The following MERTK variants were observed in gnomAD, a reference collection of about 807,000 sequenced individuals.
MERTK encodes the protein MER proto-oncogene, tyrosine kinase, also known as tyrosine-protein kinase Mer.
In MERTK, 69 loss-of-function variants were observed where a neutral mutation model predicts 99.3. The observed-to-expected ratio is 0.70, with a 90% CI of 0.57 to 0.85. MERTK has a LOEUF of 0.85. MERTK is among the 40% of genes least tolerant of loss of function. The pLI is 0.00. For synonymous variants in MERTK, 426 were observed against 467.6 expected (o/e 0.91, Z 1.15); for missense variants, 1,125 against 1,249.4 (o/e 0.90, Z 1.50).
chr2:112,012,239 C>G (rs1224358246), intron 15 of MERTK, among the ~76,000 whole-genome samples: 1 of 148,196 alleles, frequency 6.7e-6, no homozygotes, highest in Non-Finnish European at 1.5e-5. Flanking sequence ...CCCCCGCCCC[C>G]CACATCAGTC....
intron 1 of MERTK, chr2:111,913,024 C>A (rs1195715001): frequency 1.0e-6 from 1 of 985,076 alleles, no homozygotes; most frequent in Non-Finnish European, 1.2e-6. Flanking sequence ...TTAGAGAAGA[C>A]TGTCTAGGTA....
intron 4 of MERTK, among the ~76,000 whole-genome samples, chr2:111,960,480 C>CAAAAAAAAAAAAAAAAAAAAA (rs61179378): frequency 1.3e-5 from 1 of 75,948 alleles, no homozygotes; most frequent in Admixed American, 1.5e-4. Flanking sequence ...GTCTCAGTCT[C>CAAAAAAAAAAAAAAAAAAAAA]AAAAAAAAAA....
intron 8 of MERTK, 53 bp from the exon 9 acceptor site, chr2:111,994,198 C>A: frequency 6.2e-7 from 1 of 1,603,824 alleles, no homozygotes; most frequent in Non-Finnish European, 8.5e-7. Flanking sequence ...GATGCACCTG[C>A]AGTTTGCCCA....
chr2:111,917,732 A>G (rs1470982536), intron 1 of MERTK, among the ~76,000 whole-genome samples: 1 of 152,086 alleles, frequency 6.6e-6, no homozygotes, highest in East Asian at 1.9e-4. Context: ...TAAAAATACA[A>G]AAATTAGCTG....
chr2:111,998,803 T>C (rs1676804878), intron 10 of MERTK, among the ~76,000 whole-genome samples: 1 of 152,160 alleles, frequency 6.6e-6, no homozygotes, highest in Middle Eastern at 3.2e-3. Flanking sequence ...TATTTAGAAA[T>C]AAAACTATTT....
intron 4 of MERTK, among the ~76,000 whole-genome samples, chr2:111,951,413 TTTTTC>T (rs1419568805): frequency 7.3e-5 from 11 of 151,334 alleles, no homozygotes; most frequent in African/African-American, 2.7e-4. Flanking sequence ...CATGCAGTAG[TTTTTC>T]TTTTCTTTGT....
At chr2:111,966,318 T>C (rs1685357562) in intron 5 of MERTK, among the ~76,000 whole-genome samples, 3 of 152,128 alleles carry the variant, frequency 2.0e-5, no homozygotes, top group African/African-American at 4.8e-5. Context: ...GCAAATCAAC[T>C]GGACAAACGC....
intron 4 of MERTK, among the ~76,000 whole-genome samples, chr2:111,949,358 A>G (rs955201194): frequency 2.0e-5 from 3 of 152,110 alleles, no homozygotes; most frequent in African/African-American, 7.2e-5. Flanking sequence ...TACTCAGTAA[A>G]TATTTATGGC....
intron 4 of MERTK, among the ~76,000 whole-genome samples, chr2:111,959,853 CA>C (rs1685212045): frequency 6.6e-6 from 1 of 152,086 alleles, no homozygotes; most frequent in Non-Finnish European, 1.5e-5. Context: ...TTATGTGGGT[CA>C]TATCTATCTA....
At position 111,973,991 on chromosome 2, in the gene MERTK, CAAA is replaced by C. The variant is rs34537631; in HGVS notation, c.961-1280_961-1278del. On this transcript the variant is annotated intron_variant, in intron 6 of 18. Coordinates refer to ENST00000295408, the MANE Select transcript of MERTK (RefSeq NM_006343.3). ...ATGACCCTTTGCTATATCTCCTCAT[CAAA>C]AAAAAAAAAAAAAAAAAGCCAAGAA... Among the ~76,000 whole-genome samples, 673 of 84,698 alleles carry C rather than the reference CAAA, an allele frequency of 7.9e-3. 3 individuals are homozygous for C. The highest frequency in any genetic ancestry group is 0.014 in the Middle Eastern group (2 of 146). The allele number at this position is 84,698 out of a possible 152,430, so 55.6% of individuals were successfully genotyped here. A position where few individuals can be genotyped will look rare whatever the true frequency, so the allele number is the denominator to read the frequency against.
At chr2:111,961,814 T>G (rs187150282) in intron 4 of MERTK, among the ~76,000 whole-genome samples, 1 of 152,336 alleles carries the variant, frequency 6.6e-6, no homozygotes, top group Non-Finnish European at 1.5e-5. Context: ...ATGCATTTTT[T>G]CTACAGCGTC....
chr2:111,991,260 C>T (rs372955368), intron 8 of MERTK, among the ~76,000 whole-genome samples: 6 of 152,150 alleles, frequency 3.9e-5, no homozygotes, highest in East Asian at 3.8e-4. Context: ...TGTTTTGAAA[C>T]GGAGTCTCAG....
At chr2:112,009,864 T>G (rs1677059153) in intron 14 of MERTK, 84 bp from the exon 15 acceptor site, 1 of 1,021,962 alleles carries the variant, frequency 9.8e-7, no homozygotes, top group South Asian at 1.3e-5. Flanking sequence ...ACACACGGCT[T>G]CAGTTTTTCC....
intron 15 of MERTK, among the ~76,000 whole-genome samples, chr2:112,014,489 A>G (rs1677176605): frequency 1.3e-5 from 2 of 152,040 alleles, no homozygotes; most frequent in South Asian, 4.1e-4. Context: ...TTTTCTAATA[A>G]TTTCTTGGGG....
chr2:111,982,005 C>G (rs1197490547), intron 7 of MERTK, among the ~76,000 whole-genome samples: 1 of 151,848 alleles, frequency 6.6e-6, no homozygotes, highest in African/African-American at 2.4e-5. Flanking sequence ...ACCCACCCTA[C>G]CTTCCCTGCC....
intron 15 of MERTK, among the ~76,000 whole-genome samples, chr2:112,011,469 T>C (rs1375335359): frequency 6.6e-6 from 1 of 152,132 alleles, no homozygotes; most frequent in Non-Finnish European, 1.5e-5. Flanking sequence ...TATTAAGTTC[T>C]GCCCAGGTGC....
At chr2:111,968,807 G>A (rs1374245043) in intron 6 of MERTK, among the ~76,000 whole-genome samples, 25 of 151,860 alleles carry the variant, frequency 1.6e-4, no homozygotes, top group Non-Finnish European at 4.4e-5. Flanking sequence ...GGGATTACAG[G>A]CGTGAGCCAC....
Position 111,997,427 on chromosome 2 carries a change from T to A in MERTK, c.1555T>A (p.Leu519Ile). Residue 519 changes from leucine (L) to isoleucine (I), a missense_variant, in exon 10 of 19, where the codon TTA becomes ATA. Physicochemically the swap from Leu to Ile is conservative, Grantham distance 5. Transcript: ENST00000295408. ...FCGFILIGLI[L>I]YISLAIRKRV... ...TGGATTTATTTTGATTGGGTTGATT[T>A]TATACATCTCCTTGGCCATCAGAAA... The A allele has an allele frequency of 6.2e-7, 1 of 1,614,122 alleles. No individual in the cohort carries two copies. Among genetic ancestry groups the A allele is most frequent in the Non-Finnish European group, 8.5e-7 (1 of 1,179,988 alleles).
intron 18 of MERTK, chr2:112,026,225 A>G (rs938626278): frequency 6.5e-6 from 1 of 154,110 alleles, no homozygotes; most frequent in Non-Finnish European, 1.5e-5. Context: ...CATGTCTTTA[A>G]AAGTCATATT....
Sources: gnomAD v4.1 joint callset for allele counts (sites outside exome capture counted in the v4.1 genomes callset) on GRCh38, gnomAD v4.1.1 for gene constraint, MANE v1.5 for transcripts, NCBI Gene and HGNC (gene_info 2026-07-23, HGNC 2026-07-21) for gene names.